Variants in NAV2 observed in about 807,000 individuals in gnomAD.
NAV2 encodes the protein neuron navigator 2, also known as helicase, APC down-regulated 1.
In NAV2, 54 loss-of-function variants were observed where a neutral mutation model predicts 223.2. The observed-to-expected ratio is 0.24, with a 90% CI of 0.19 to 0.30. NAV2 has a LOEUF of 0.30. Among genes scored for constraint, NAV2 ranks in the 10% least tolerant of loss-of-function variants. NAV2 has a pLI of 1.00. For missense variants in NAV2, 2,806 were observed against 3,147.5 expected (o/e 0.89, Z 2.60); for synonymous variants, 1,279 against 1,239.3 (o/e 1.03, Z -0.67).
chr11:19,862,439 A>AAACGTTG (rs1167041230), intron 3 of NAV2, among the ~76,000 whole-genome samples: 3 of 152,222 alleles, frequency 2.0e-5, no homozygotes, highest in African/African-American at 7.2e-5. Context: ...GGCTTGCTGT[A>AAACGTTG]AACGTTGATG....
chr11:19,624,988 A>G (rs2047122573), intron 1 of NAV2, among the ~76,000 whole-genome samples: 1 of 152,220 alleles, frequency 6.6e-6, no homozygotes, highest in Non-Finnish European at 1.5e-5. Context: ...TGATGTTTTG[A>G]TACATATAAT....
At chr11:19,638,181 G>A (rs555323499) in intron 1 of NAV2, among the ~76,000 whole-genome samples, 106 of 152,222 alleles carry the variant, frequency 7.0e-4, no homozygotes, top group African/African-American at 2.3e-3. Flanking sequence ...GGGCCCACAC[G>A]ATTGATCCAG....
At chr11:19,729,726 G>A (rs2051577136) in intron 1 of NAV2, among the ~76,000 whole-genome samples, 1 of 152,206 alleles carries the variant, frequency 6.6e-6, no homozygotes, top group Admixed American at 6.5e-5. Flanking sequence ...TAGGGGCTGT[G>A]TTGGCTGAGA....
chr11:19,367,629 A>T (rs1435267246), intron 1 of NAV2, among the ~76,000 whole-genome samples: 1 of 152,082 alleles, frequency 6.6e-6, no homozygotes, highest in Admixed American at 6.5e-5. Context: ...TCTGCCTCTC[A>T]CTGGGATGGT....
At chr11:19,418,048 T>C (rs2729920) in intron 1 of NAV2, among the ~76,000 whole-genome samples, 106,185 of 151,732 alleles carry the variant, frequency 0.7, 37,204 homozygotes, top group Admixed American at 0.73. Context: ...CAGCAAACCA[T>C]CATGGCATGT....
chr11:19,630,600 G>GT (rs1474731043), intron 1 of NAV2, among the ~76,000 whole-genome samples: 1 of 152,152 alleles, frequency 6.6e-6, no homozygotes, highest in Non-Finnish European at 1.5e-5. Context: ...TAATCAAAGG[G>GT]TTTTGGCAGG....
intron 1 of NAV2, among the ~76,000 whole-genome samples, chr11:19,723,331 G>A (rs1179552185): frequency 6.6e-6 from 1 of 152,226 alleles, no homozygotes; most frequent in East Asian, 1.9e-4. Flanking sequence ...GAGACAGTGA[G>A]AGGACTAGCC....
chr11:20,015,732 T>G (rs375308526), intron 11 of NAV2, among the ~76,000 whole-genome samples: 3 of 152,174 alleles, frequency 2.0e-5, no homozygotes, highest in African/African-American at 7.2e-5. Flanking sequence ...CAGCTGATAT[T>G]TTAAAGAGAA....
At chr11:19,545,812 T>C (rs568189038) in intron 1 of NAV2, among the ~76,000 whole-genome samples, 55 of 152,258 alleles carry the variant, frequency 3.6e-4, no homozygotes, top group African/African-American at 1.3e-3. Flanking sequence ...GTATTTTATG[T>C]GTGGCCCAAG....
Position 19,436,085 on chromosome 11 carries a change from T to C in NAV2, c.75+85058T>C, listed in dbSNP as rs574585529. Among the ~76,000 whole-genome samples the C allele has an allele frequency of 3.1e-3, 466 of 152,290 alleles. 2 individuals are homozygous for C. Among genetic ancestry groups the C allele is most frequent in the African/African-American group, 0.01 (436 of 41,562 alleles). The stretch of plus-strand genomic sequence containing the variant: ...TTTTAGTGTGATGCAGTCCCATTTG[T>C]TTATTTTTGCTTTCGTTGCCTATGA... On this transcript the variant is annotated intron_variant, in intron 1 of 37. Transcript: ENST00000360655.
chr11:20,113,687 A>G (rs1193335338), intron 36 of NAV2, among the ~76,000 whole-genome samples: 2 of 152,202 alleles, frequency 1.3e-5, no homozygotes, highest in African/African-American at 4.8e-5. Context: ...TGTAAGAGTC[A>G]GACCCATTTC....
intron 1 of NAV2, among the ~76,000 whole-genome samples, chr11:19,585,138 CTTCT>C (rs764488858): frequency 6.6e-6 from 1 of 152,134 alleles, no homozygotes; most frequent in Non-Finnish European, 1.5e-5. Context: ...ATGTAATGGC[CTTCT>C]TTGTCTCTTT....
At chr11:20,070,547 G>C (rs1333385896) in intron 22 of NAV2, among the ~76,000 whole-genome samples, 1 of 152,098 alleles carries the variant, frequency 6.6e-6, no homozygotes, top group Non-Finnish European at 1.5e-5. Context: ...CCTCATAAAA[G>C]GCACTGAATC....
chr11:19,929,697 A>G (rs2045140336), intron 6 of NAV2, among the ~76,000 whole-genome samples: 1 of 152,136 alleles, frequency 6.6e-6, no homozygotes, highest in Admixed American at 6.5e-5. Flanking sequence ...AACCCTAAAG[A>G]CTCATCACAA....
rs1328156775 is a variant in NAV2 at position 20,002,276 on chromosome 11, A to G, written c.2768+18029A>G. Among the ~76,000 whole-genome samples, 4 of 152,044 alleles carry G rather than the reference A, an allele frequency of 2.6e-5. No homozygotes were observed. In the East Asian group the frequency reaches 7.7e-4, roughly 29 times the overall value. Reference sequence around the variant, plus strand: ...TGGGAAGGGGAATTCAGTCCCTAACACCTCTCATCAGGCATAGTACTTGCT... The same window carrying G: ...TGGGAAGGGGAATTCAGTCCCTAACGCCTCTCATCAGGCATAGTACTTGCT... On this transcript the variant is annotated intron_variant, in intron 11 of 37. Transcript: ENST00000349880.
At chr11:19,517,822 G>A (rs892281831) in intron 1 of NAV2, among the ~76,000 whole-genome samples, 1 of 152,230 alleles carries the variant, frequency 6.6e-6, no homozygotes, top group Non-Finnish European at 1.5e-5. Context: ...TTATAGCTGA[G>A]GATTTCTACT....
At chr11:19,836,138 C>T (rs1349152661) in intron 2 of NAV2, among the ~76,000 whole-genome samples, 1 of 152,050 alleles carries the variant, frequency 6.6e-6, no homozygotes, top group African/African-American at 2.4e-5. Flanking sequence ...ATAGGTGGCC[C>T]GAATGTTTCC....
At position 19,356,794 on chromosome 11, in the gene NAV2, T is replaced by A. The variant is rs540589623; in HGVS notation, c.75+5767T>A. ...TGTTTTCCAGGGAATAAAACGGCCT[T>A]CTTCAATCAGCAGAAATGAATGCTG... On this transcript the variant is annotated intron_variant, in intron 1 of 37. Transcript: ENST00000360655. 2.6e-5 allele frequency among the ~76,000 whole-genome samples: 4 copies of A among 152,314 alleles called. No homozygotes were observed. In the East Asian group the frequency reaches 7.7e-4, roughly 29 times the overall value.
At chr11:19,910,228 A>G (rs1020047029) in intron 6 of NAV2, among the ~76,000 whole-genome samples, 2 of 152,212 alleles carry the variant, frequency 1.3e-5, no homozygotes, top group African/African-American at 4.8e-5. Context: ...TTGCAAAGCT[A>G]ATATTTTGCT....
Sources: allele counts gnomAD v4.1 joint callset (sites outside exome capture counted in the v4.1 genomes callset), GRCh38; gene constraint gnomAD v4.1.1; transcripts MANE v1.5; gene names NCBI Gene and HGNC (gene_info 2026-07-23, HGNC 2026-07-21).